Variants in GALNT13 observed in about 807,000 individuals in gnomAD.
The protein encoded by GALNT13 is polypeptide N-acetylgalactosaminyltransferase 13.
In GALNT13, 28 loss-of-function variants were observed where a neutral mutation model predicts 64.2. That is an observed-to-expected ratio of 0.44 (90% CI 0.32 to 0.60). The LOEUF (loss-of-function observed/expected upper bound fraction) is 0.60. Ranked by LOEUF, GALNT13 falls within the 20% of genes least tolerant of loss-of-function variation. The pLI is 0.05. For missense variants in GALNT13, 577 were observed against 669.8 expected (o/e 0.86, Z 1.53); for synonymous variants, 214 against 224.6 (o/e 0.95, Z 0.42).
the GALNT13 span, among the ~76,000 whole-genome samples, chr2:153,610,272 G>T: frequency 1.3e-5 from 2 of 152,062 alleles, no homozygotes; most frequent in Non-Finnish European, 2.9e-5. Flanking sequence ...CAAAGCAAAA[G>T]CTTCATTTAT....
the GALNT13 span, among the ~76,000 whole-genome samples, chr2:153,547,820 G>C: frequency 6.6e-6 from 1 of 152,164 alleles, no homozygotes; most frequent in Non-Finnish European, 1.5e-5. Flanking sequence ...ACTGGGGTTT[G>C]ACTCCTGGCT....
At chr2:153,372,600 C>T in the GALNT13 span, among the ~76,000 whole-genome samples, 14 of 151,328 alleles carry the variant, frequency 9.3e-5, no homozygotes, top group Non-Finnish European at 1.9e-4. Flanking sequence ...GAGCCGAGAT[C>T]GTGCCACTGC....
intron 9 of GALNT13, among the ~76,000 whole-genome samples, chr2:154,301,995 CAATA>C (rs1297988406): frequency 6.6e-6 from 1 of 151,744 alleles, no homozygotes; most frequent in African/African-American, 2.4e-5. Context: ...AGTAAATTAT[CAATA>C]AATATGTGTG....
chr2:153,835,454 A>T, the GALNT13 span, among the ~76,000 whole-genome samples: 1 of 152,176 alleles, frequency 6.6e-6, no homozygotes, highest in East Asian at 1.9e-4. Flanking sequence ...AGTTTGAGTA[A>T]TAAAAAATAA....
At chr2:153,266,433 A>T in the GALNT13 span, among the ~76,000 whole-genome samples, 1 of 152,202 alleles carries the variant, frequency 6.6e-6, no homozygotes, top group Non-Finnish European at 1.5e-5. Flanking sequence ...TGCTATAAGG[A>T]TACTGCCTGA....
chr2:154,167,888 TC>T (rs549362359), intron 4 of GALNT13, among the ~76,000 whole-genome samples: 6 of 152,138 alleles, frequency 3.9e-5, no homozygotes, highest in Non-Finnish European at 7.4e-5. Context: ...AAAGAAGGCA[TC>T]CTTGTAGGAG....
chr2:153,126,387 T>C, the GALNT13 span, among the ~76,000 whole-genome samples: 4 of 148,660 alleles, frequency 2.7e-5, no homozygotes, highest in Non-Finnish European at 5.9e-5. Flanking sequence ...ATAATTTTCT[T>C]GTATTTAATA....
the GALNT13 span, among the ~76,000 whole-genome samples, chr2:153,432,713 T>G: frequency 6.6e-6 from 1 of 151,666 alleles, no homozygotes; most frequent in Non-Finnish European, 1.5e-5. Context: ...AGTTTTTGGC[T>G]GGGGGGTGGG....
chr2:154,455,341 G>A (rs866538487), downstream of GALNT13, among the ~76,000 whole-genome samples: 27 of 152,090 alleles, frequency 1.8e-4, no homozygotes, highest in African/African-American at 5.8e-4. Context: ...GGCAAAACAT[G>A]TATGCATTCT....
At chr2:153,399,768 T>G in the GALNT13 span, among the ~76,000 whole-genome samples, 1 of 152,198 alleles carries the variant, frequency 6.6e-6, no homozygotes, top group African/African-American at 2.4e-5. Flanking sequence ...TTTTGTACAT[T>G]GATTTTGTAT....
the GALNT13 span, among the ~76,000 whole-genome samples, chr2:153,372,965 A>G: frequency 6.6e-6 from 1 of 152,114 alleles, no homozygotes; most frequent in Non-Finnish European, 1.5e-5. Flanking sequence ...ATTGACATCC[A>G]TTTCCTGCCA....
chr2:153,142,054 T>C, the GALNT13 span, among the ~76,000 whole-genome samples: 1 of 152,236 alleles, frequency 6.6e-6, no homozygotes, highest in Admixed American at 6.5e-5. Context: ...TTATTTTTGC[T>C]ATGATGGGAA....
the GALNT13 span, among the ~76,000 whole-genome samples, chr2:153,792,226 CAACT>C: frequency 1.3e-5 from 2 of 152,056 alleles, no homozygotes; most frequent in African/African-American, 2.4e-5. Flanking sequence ...TGTATTCAAC[CAACT>C]GAGGATTGAA....
the GALNT13 span, among the ~76,000 whole-genome samples, chr2:153,533,581 G>A: frequency 1.3e-5 from 2 of 151,576 alleles, no homozygotes; most frequent in Admixed American, 6.6e-5. Flanking sequence ...TTTGATCTAT[G>A]TTTTGGAAAA....
At chr2:154,350,123 A>G (rs1203299251) in intron 9 of GALNT13, among the ~76,000 whole-genome samples, 1 of 152,242 alleles carries the variant, frequency 6.6e-6, no homozygotes, top group African/African-American at 2.4e-5. Flanking sequence ...TGTGCATTCA[A>G]CAAACATCCA....
the GALNT13 span, among the ~76,000 whole-genome samples, chr2:153,226,137 T>A: frequency 6.6e-6 from 1 of 152,002 alleles, no homozygotes; most frequent in Non-Finnish European, 1.5e-5. Flanking sequence ...TTTCACCATA[T>A]TGGCCAGGCT....
At chr2:153,949,397 C>G (rs1403788646) in intron 3 of GALNT13, among the ~76,000 whole-genome samples, 3 of 151,548 alleles carry the variant, frequency 2.0e-5, no homozygotes, top group East Asian at 1.9e-4. Context: ...TTTCTCAAGC[C>G]AGGCATGGTG....
chr2:154,379,102 GC>G (rs1698141771), intron 9 of GALNT13, among the ~76,000 whole-genome samples: 1 of 151,910 alleles, frequency 6.6e-6, no homozygotes, highest in African/African-American at 2.4e-5. Flanking sequence ...AATGATGCTA[GC>G]CCTTTTAAAG....
chr2:154,404,677 G>T (rs558530102), intron 10 of GALNT13, among the ~76,000 whole-genome samples: 1 of 152,176 alleles, frequency 6.6e-6, no homozygotes, highest in Admixed American at 6.6e-5. Flanking sequence ...ACAGTCTGCA[G>T]TCTGTGAATT....
Sources: gnomAD v4.1 joint callset for allele counts (sites outside exome capture counted in the v4.1 genomes callset) on GRCh38, gnomAD v4.1.1 for gene constraint, MANE v1.5 for transcripts, NCBI Gene and HGNC (gene_info 2026-07-23, HGNC 2026-07-21) for gene names.